Variants in TENM3 observed in about 807,000 individuals in gnomAD.
TENM3 encodes teneurin transmembrane protein 3.
In TENM3, 63 loss-of-function variants were observed where a neutral mutation model predicts 255.1. The observed-to-expected ratio is 0.25, with a 90% CI of 0.20 to 0.30. TENM3 has a LOEUF of 0.30. Among genes scored for constraint, TENM3 ranks in the 10% least tolerant of loss-of-function variants. The pLI is 1.00. For synonymous variants in TENM3, 1,306 were observed against 1,322.3 expected (o/e 0.99, Z 0.27); for missense variants, 2,929 against 3,461.1 (o/e 0.85, Z 3.86).
At chr4:181,913,161 G>T in the TENM3 span, among the ~76,000 whole-genome samples, 466 of 152,286 alleles carry the variant, frequency 3.1e-3, 4 homozygotes, top group African/African-American at 0.011. Flanking sequence ...ACCAATGCGG[G>T]AATGAAATAG....
the TENM3 span, among the ~76,000 whole-genome samples, chr4:181,785,442 A>C: frequency 6.6e-6 from 1 of 152,162 alleles, no homozygotes; most frequent in East Asian, 1.9e-4. Context: ...AGGCAAGCCA[A>C]CTGTGACATC....
At chr4:182,259,329 T>A (rs2150151949) in intron 1 of TENM3, among the ~76,000 whole-genome samples, 1 of 152,332 alleles carries the variant, frequency 6.6e-6, no homozygotes, top group East Asian at 1.9e-4. Context: ...TTTATTTATT[T>A]AGATACAGGG....
At chr4:181,530,684 C>T in the TENM3 span, among the ~76,000 whole-genome samples, 2 of 152,162 alleles carry the variant, frequency 1.3e-5, no homozygotes, top group Non-Finnish European at 2.9e-5. Flanking sequence ...GACATGTAAT[C>T]CTCCAAACAG....
At chr4:182,481,617 A>G (rs1734212169) in intron 3 of TENM3, among the ~76,000 whole-genome samples, 1 of 135,662 alleles carries the variant, frequency 7.4e-6, no homozygotes, top group Non-Finnish European at 1.7e-5. Context: ...CAACACGGTG[A>G]AACCCCGTCT....
At chr4:181,640,406 C>T in the TENM3 span, among the ~76,000 whole-genome samples, 5 of 152,338 alleles carry the variant, frequency 3.3e-5, no homozygotes, top group Non-Finnish European at 7.3e-5. Context: ...GTTTGACTCA[C>T]AATTGCCCAT....
intron 3 of TENM3, among the ~76,000 whole-genome samples, chr4:182,580,672 G>A (rs907768394): frequency 1.3e-5 from 2 of 152,280 alleles, no homozygotes; most frequent in African/African-American, 4.8e-5. Context: ...ATGAAGGAAG[G>A]CATGGCAGGT....
At chr4:181,518,742 T>G in the TENM3 span, among the ~76,000 whole-genome samples, 1 of 152,188 alleles carries the variant, frequency 6.6e-6, no homozygotes, top group Non-Finnish European at 1.5e-5. Flanking sequence ...TTGGTTTTTA[T>G]AACGCTAAAG....
chr4:182,240,463 T>G (rs116454036), upstream of TENM3, among the ~76,000 whole-genome samples: 783 of 152,344 alleles, frequency 5.1e-3, 6 homozygotes, highest in African/African-American at 0.018. Context: ...AGTCCCCTGT[T>G]AGGCTCCTCA....
the TENM3 span, among the ~76,000 whole-genome samples, chr4:181,785,634 A>T: frequency 6.6e-6 from 1 of 152,138 alleles, no homozygotes; most frequent in Non-Finnish European, 1.5e-5. Context: ...AGCATTTCAA[A>T]TTCCTAATTT....
the TENM3 span, among the ~76,000 whole-genome samples, chr4:181,557,880 A>C: frequency 6.6e-6 from 1 of 152,210 alleles, no homozygotes; most frequent in Non-Finnish European, 1.5e-5. Flanking sequence ...AAAATAAGGC[A>C]AAGATATCCC....
At chr4:182,454,003 G>T (rs543707211) in intron 3 of TENM3, among the ~76,000 whole-genome samples, 1 of 152,278 alleles carries the variant, frequency 6.6e-6, no homozygotes, top group East Asian at 1.9e-4. Context: ...ATAGTAGGGG[G>T]CAGTACATCT....
chr4:181,786,921 G>A, the TENM3 span, among the ~76,000 whole-genome samples: 20 of 152,212 alleles, frequency 1.3e-4, no homozygotes, highest in Admixed American at 1.1e-3. Context: ...AAAAGCACAC[G>A]GGGATAACTC....
the TENM3 span, among the ~76,000 whole-genome samples, chr4:182,107,651 GC>G: frequency 7.0e-3 from 1,062 of 152,286 alleles, 9 homozygotes; most frequent in African/African-American, 0.024. Flanking sequence ...AAAGTCACAG[GC>G]TTTTAAAGAA....
the TENM3 span, among the ~76,000 whole-genome samples, chr4:181,663,640 G>T: frequency 6.6e-6 from 1 of 152,158 alleles, no homozygotes; most frequent in Non-Finnish European, 1.5e-5. Flanking sequence ...AAGCAAAGAT[G>T]GGAAGAACAT....
At chr4:182,585,490 C>T (rs1308760909) in intron 3 of TENM3, among the ~76,000 whole-genome samples, 1 of 152,108 alleles carries the variant, frequency 6.6e-6, no homozygotes, top group Non-Finnish European at 1.5e-5. Flanking sequence ...GAAGAGACAC[C>T]AGAGGGCTTT....
At position 182,750,962 on chromosome 4, in the gene TENM3, A is replaced by G. The variant is rs144795479; in HGVS notation, c.3630-838A>G. 1.3e-3 allele frequency among the ~76,000 whole-genome samples: 202 copies of G among 152,364 alleles called. 1 individual carries two copies. The highest frequency in any genetic ancestry group is 4.6e-3 in the African/African-American group (193 of 41,586). ...TAAGGATATTAACTTTTTAATTCCA[A>G]TGATACGTCATAATTTGTCCCCTCC... On this transcript the variant is annotated intron_variant, in intron 19 of 27. Coordinates refer to ENST00000511685, the MANE Select transcript of TENM3 (RefSeq NM_001080477.4).
At chr4:182,776,777 G>A (rs1764719330) in intron 24 of TENM3, among the ~76,000 whole-genome samples, 2 of 152,200 alleles carry the variant, frequency 1.3e-5, no homozygotes, top group Admixed American at 1.3e-4. Context: ...GGAAGGAAGA[G>A]GCCAGTGCAC....
chr4:182,355,752 T>A (rs1274524218), intron 3 of TENM3, among the ~76,000 whole-genome samples: 4 of 152,038 alleles, frequency 2.6e-5, no homozygotes, highest in Non-Finnish European at 5.9e-5. Context: ...GAGACTGTCT[T>A]CCCCAACATG....
the TENM3 span, chr4:181,905,750 C>G: frequency 3.7e-6 from 1 of 270,438 alleles, no homozygotes. Flanking sequence ...CTTCCTAATT[C>G]TCTTGATTAG....
Sources: gnomAD v4.1 joint callset for allele counts (sites outside exome capture counted in the v4.1 genomes callset) on GRCh38, gnomAD v4.1.1 for gene constraint, MANE v1.5 for transcripts, NCBI Gene and HGNC (gene_info 2026-07-23, HGNC 2026-07-21) for gene names.